Variants in TAF4B observed in about 807,000 individuals in gnomAD.
TAF4B encodes the protein TATA-box binding protein associated factor 4b.
TAF4B carries 38 observed loss-of-function variants against 86.4 expected under a neutral mutation model. The observed-to-expected ratio is 0.44, with a 90% CI of 0.34 to 0.58. The LOEUF (loss-of-function observed/expected upper bound fraction) is 0.58. Among genes scored for constraint, TAF4B ranks in the 20% least tolerant of loss-of-function variants. TAF4B has a pLI of 0.02. For missense variants in TAF4B, 988 were observed against 1,027.6 expected, an observed-to-expected ratio of 0.96 and a Z score of 0.53; for synonymous variants, 388 against 391.2, an observed-to-expected ratio of 0.99 and a Z score of 0.10.
intron 9 of TAF4B, among the ~76,000 whole-genome samples, chr18:26,301,579 C>A (rs1243118318): frequency 6.6e-6 from 1 of 152,134 alleles, no homozygotes; most frequent in Non-Finnish European, 1.5e-5. Context: ...TAGACATGAG[C>A]CACCACACCC....
At chr18:26,303,077 C>CCCTCCACTTTCATACT (rs2144638658) in intron 9 of TAF4B, among the ~76,000 whole-genome samples, 1 of 33,630 alleles carries the variant, frequency 3.0e-5, no homozygotes, top group South Asian at 1.7e-3. Flanking sequence ...ACTTTCATAC[C>CCCTCCACTTTCATACT]CCCTCCACTT....
chr18:26,303,028 C>T (rs1392593677), intron 9 of TAF4B, among the ~76,000 whole-genome samples: 1 of 151,840 alleles, frequency 6.6e-6, no homozygotes, highest in Non-Finnish European at 1.5e-5. Context: ...TCTCCTTCTT[C>T]TTTATTTCCT....
At chr18:26,301,606 A>T (rs907735817) in intron 9 of TAF4B, among the ~76,000 whole-genome samples, 1 of 152,106 alleles carries the variant, frequency 6.6e-6, no homozygotes, top group African/African-American at 2.4e-5. Flanking sequence ...TTGTGGTTAA[A>T]GTCAAATGCT....
intron 9 of TAF4B, among the ~76,000 whole-genome samples, chr18:26,310,502 G>A (rs1390036173): frequency 6.6e-6 from 1 of 152,198 alleles, no homozygotes; most frequent in Admixed American, 6.5e-5. Flanking sequence ...GCAGGATATT[G>A]TGTGAATTTA....
At chr18:26,267,164 G>T (rs758712915) in intron 2 of TAF4B, 18 of 160,576 alleles carry the variant, frequency 1.1e-4, no homozygotes, top group Non-Finnish European at 2.0e-4. Flanking sequence ...TAGATTAGCA[G>T]GTTTTTGTTT....
intron 1 of TAF4B, among the ~76,000 whole-genome samples, chr18:26,243,342 A>C (rs905691930): frequency 6.6e-6 from 1 of 151,964 alleles, no homozygotes; most frequent in African/African-American, 2.4e-5. Flanking sequence ...TTTGATCTTC[A>C]ATCACTGATA....
Position 26,352,083 on chromosome 18 carries a change from A to C in TAF4B, c.2317-5607A>C, listed in dbSNP as rs141747810. Among the ~76,000 whole-genome samples the C allele has an allele frequency of 2.0e-3, 300 of 152,232 alleles. 1 individual carries two copies. The highest frequency in any genetic ancestry group is 7.1e-3 in the African/African-American group (293 of 41,552). Reference sequence around the variant, plus strand: ...GATAAATTAAAATGTTAAAAAGTTCAAATAATTCCAAGTAGAAAAAGGGAA... The same window carrying C: ...GATAAATTAAAATGTTAAAAAGTTCCAATAATTCCAAGTAGAAAAAGGGAA... On this transcript the variant is annotated intron_variant, in intron 13 of 14. Transcript: ENST00000269142.
In TAF4B at chr18:26,287,969, C is replaced by G. The variant is rs535771024; in HGVS notation, c.1590+1470C>G. Among the ~76,000 whole-genome samples, 364 of 152,272 alleles carry G rather than the reference C, an allele frequency of 2.4e-3. 1 individual carries two copies. Among genetic ancestry groups the G allele is most frequent in the Non-Finnish European group, 3.7e-3 (255 of 68,020 alleles). On this transcript the variant is annotated intron_variant, in intron 7 of 14. Coordinates refer to ENST00000269142, the MANE Select transcript of TAF4B (RefSeq NM_005640.3). Reference sequence around the variant, plus strand: ...CAAGTGGGGAAATGTAACTGCCTTGCAGGATTTCTCTTGGGTACGTGAATT... The same window carrying G: ...CAAGTGGGGAAATGTAACTGCCTTGGAGGATTTCTCTTGGGTACGTGAATT...
At chr18:26,306,015 T>C (rs993515747) in intron 9 of TAF4B, among the ~76,000 whole-genome samples, 24 of 152,216 alleles carry the variant, frequency 1.6e-4, no homozygotes, top group African/African-American at 5.1e-4. Flanking sequence ...TGAAAAGCCA[T>C]TGCATAAGCA....
chr18:26,231,875 C>G (rs1289218140), intron 1 of TAF4B, among the ~76,000 whole-genome samples: 1 of 152,156 alleles, frequency 6.6e-6, no homozygotes, highest in African/African-American at 2.4e-5. Context: ...TTGCTGCTGG[C>G]TGGAGTGGCC....
intron 1 of TAF4B, among the ~76,000 whole-genome samples, chr18:26,259,525 C>T (rs2056134657): frequency 6.6e-6 from 1 of 150,412 alleles, no homozygotes; most frequent in Non-Finnish European, 1.5e-5. Flanking sequence ...TGAGTGAGAA[C>T]ATGTGGTGTT....
At chr18:26,245,715 G>A (rs956596574) in intron 1 of TAF4B, among the ~76,000 whole-genome samples, 1 of 152,150 alleles carries the variant, frequency 6.6e-6, no homozygotes, top group African/African-American at 2.4e-5. Context: ...GAGCACTGAT[G>A]GTTGCATTTT....
At chr18:26,344,371 A>ATTT (rs2057159581) in intron 13 of TAF4B, among the ~76,000 whole-genome samples, 1 of 150,496 alleles carries the variant, frequency 6.6e-6, no homozygotes, top group African/African-American at 2.5e-5. Context: ...TTTTTTTTTA[A>ATTT]AAAAAAAGGG....
At chr18:26,285,288 C>T (rs1470518921) in intron 6 of TAF4B, among the ~76,000 whole-genome samples, 3 of 136,544 alleles carry the variant, frequency 2.2e-5, no homozygotes, top group African/African-American at 8.1e-5. Context: ...GGCATGATCT[C>T]AGCTCACTGC....
chr18:26,354,468 T>C (rs2057270326), intron 13 of TAF4B, among the ~76,000 whole-genome samples: 1 of 152,234 alleles, frequency 6.6e-6, no homozygotes. Flanking sequence ...GATGGGGCCT[T>C]ATCATCAGAT....
chr18:26,248,012 A>G (rs945740419), intron 1 of TAF4B, among the ~76,000 whole-genome samples: 1 of 120,814 alleles, frequency 8.3e-6, no homozygotes, highest in African/African-American at 3.2e-5. Context: ...AGTGACTGGG[A>G]CTACAGGTGT....
chr18:26,299,152 T>A (rs1476822826), intron 9 of TAF4B, among the ~76,000 whole-genome samples: 1 of 152,048 alleles, frequency 6.6e-6, no homozygotes, highest in African/African-American at 2.4e-5. Flanking sequence ...TGAGCCACCA[T>A]GCCCAGCCCT....
At chr18:26,331,758 A>C (rs550248472) in intron 12 of TAF4B, among the ~76,000 whole-genome samples, 1 of 152,186 alleles carries the variant, frequency 6.6e-6, no homozygotes, top group African/African-American at 2.4e-5. Flanking sequence ...AGTCTAATTC[A>C]TCTTTCACTT....
In TAF4B at chr18:26,252,277, A is replaced by T. The variant is rs1016396431; in HGVS notation, c.344-12893A>T. The stretch of plus-strand genomic sequence containing the variant: ...TATTATTCTTTTTGGTGCTATTGTG[A>T]ATAGAATCATTTTCTTAATTTCATT... On this transcript the variant is annotated intron_variant, in intron 1 of 14. Coordinates refer to ENST00000269142, the MANE Select transcript of TAF4B (RefSeq NM_005640.3). Among the ~76,000 whole-genome samples the T allele has an allele frequency of 2.2e-4, 34 of 152,202 alleles. 1 individual carries two copies. The highest frequency in any genetic ancestry group is 7.0e-4 in the African/African-American group (29 of 41,456).
Sources: gnomAD v4.1 joint callset for allele counts (sites outside exome capture counted in the v4.1 genomes callset) on GRCh38, gnomAD v4.1.1 for gene constraint, MANE v1.5 for transcripts, NCBI Gene and HGNC (gene_info 2026-07-23, HGNC 2026-07-21) for gene names.